Variants in PCDHGA2 observed in about 807,000 individuals in gnomAD.
PCDHGA2 encodes protocadherin gamma-A2.
A neutral mutation model predicts 59.2 loss-of-function variants in PCDHGA2; 40 were observed. That is an observed-to-expected ratio of 0.68 (90% CI 0.52 to 0.88). The LOEUF (loss-of-function observed/expected upper bound fraction) is 0.88. Ranked by LOEUF, PCDHGA2 falls within the 40% of genes least tolerant of loss-of-function variation. The pLI, the probability that PCDHGA2 is intolerant of heterozygous loss-of-function variation, is 0.00. For synonymous variants in PCDHGA2, 560 were observed against 526.0 expected, an observed-to-expected ratio of 1.06 and a Z score of -0.89; for missense variants, 1,226 against 1,204.0, an observed-to-expected ratio of 1.02 and a Z score of -0.27.
intron 1 of PCDHGA2, chr5:141,404,498 G>A (rs1237860716): frequency 6.2e-7 from 1 of 1,613,878 alleles, no homozygotes; most frequent in East Asian, 2.2e-5. Context: ...TGTGCTGTAT[G>A]CTCTGTGCTC....
At position 141,490,409 on chromosome 5, in the gene PCDHGA2, C is replaced by G; in HGVS notation, c.2425-4398C>G. On this transcript the variant is annotated intron_variant, in intron 1 of 3. Transcript: ENST00000394576. The surrounding 1 kb of genome is among the most constrained non-coding windows in gnomAD (Gnocchi z 5.4). ...AATGGTGAAGTGAGCCTTGATATCT[C>G]TCCGGACCTGCCATTTCAGATTAAG... 1 of 1,614,202 alleles carries G rather than the reference C, an allele frequency of 6.2e-7. No homozygotes were observed. Among genetic ancestry groups the G allele is most frequent in the Non-Finnish European group, 8.5e-7 (1 of 1,180,038 alleles).
At position 141,398,847 on chromosome 5, in the gene PCDHGA2, G is replaced by C. The variant is rs773663002; in HGVS notation, c.2424+57452G>C. ...TAACCGACGCCAATGATAATCCCCC[G>C]GTATTCAACCGAGACGTGTACAGAG... On this transcript the variant is annotated intron_variant, in intron 1 of 3. Coordinates refer to ENST00000394576, the MANE Select transcript of PCDHGA2 (RefSeq NM_018915.4). The C allele has an allele frequency of 3.8e-5, 62 of 1,613,758 alleles. 1 individual carries two copies. In the Admixed American group the frequency reaches 1.0e-3, roughly 27 times the overall value.
intron 1 of PCDHGA2, chr5:141,385,685 C>T (rs1022994434): frequency 3.0e-6 from 1 of 331,334 alleles, no homozygotes; most frequent in Non-Finnish European, 4.5e-6. Flanking sequence ...CAGCTGTCTT[C>T]TCAGGATTCT....
chr5:141,432,753 C>G lies in PCDHGA2; in HGVS notation c.2425-62054C>G. ...ACTGTCACGCTCACCGTGGCCGTGGCCGACAGCATCCCCCAAGTCCTGGCG... is the reference window on the plus strand; with the variant it reads ...ACTGTCACGCTCACCGTGGCCGTGGGCGACAGCATCCCCCAAGTCCTGGCG... On this transcript the variant is annotated intron_variant, in intron 1 of 3. Coordinates refer to ENST00000394576, the MANE Select transcript of PCDHGA2 (RefSeq NM_018915.4). The surrounding 1 kb of genome is among the most constrained non-coding windows in gnomAD (Gnocchi z 6.0). 1 of 1,614,138 alleles carries G rather than the reference C, an allele frequency of 6.2e-7. No individual in the cohort carries two copies. The highest frequency in any genetic ancestry group is 8.5e-7 in the Non-Finnish European group (1 of 1,179,996).
At position 141,431,421 on chromosome 5, in the gene PCDHGA2, T is replaced by A. The variant is rs2097372202; in HGVS notation, c.2425-63386T>A. On this transcript the variant is annotated intron_variant, in intron 1 of 3. Transcript: ENST00000394576. The surrounding 1 kb of genome is among the most constrained non-coding windows in gnomAD (Gnocchi z 4.8). The stretch of plus-strand genomic sequence containing the variant: ...ACGGCCTCCGACGGGGGCGACCCGG[T>A]GCGCACAGGCACCGCGCGCATCCGC... 1 of 1,613,580 alleles carries A rather than the reference T, an allele frequency of 6.2e-7. No individual in the cohort carries two copies. The highest frequency in any genetic ancestry group is 1.1e-5 in the South Asian group (1 of 91,082).
intron 1 of PCDHGA2, chr5:141,422,204 GAGGTCTCTTTACCA>G: frequency 6.4e-7 from 1 of 1,562,138 alleles, no homozygotes. Flanking sequence ...CAAGATGGTG[GAGGTCTCTTTACCA>G]CCACGACGAT....
intron 1 of PCDHGA2, chr5:141,398,838 T>C: frequency 6.2e-7 from 1 of 1,613,946 alleles, no homozygotes; most frequent in Non-Finnish European, 8.5e-7. Context: ...ACGCCAATGA[T>C]AATCCCCCGG....
At chr5:141,494,954 G>A in intron 2 of PCDHGA2, 89 bp downstream of exon 2, 2 of 1,601,116 alleles carry the variant, frequency 1.2e-6, no homozygotes. Context: ...CCCAGCATTT[G>A]CTACAGATGG....
At chr5:141,457,280 A>G (rs964027392) in intron 1 of PCDHGA2, among the ~76,000 whole-genome samples, 2 of 152,196 alleles carry the variant, frequency 1.3e-5, no homozygotes, top group Admixed American at 1.3e-4. Context: ...TGGGCCTACG[A>G]AGTTCCTTGG....
chr5:141,431,584 G>A lies in PCDHGA2; in HGVS notation c.2425-63223G>A, dbSNP rs201462681. 7 of 1,614,074 alleles carry A rather than the reference G, an allele frequency of 4.3e-6. No homozygotes were observed. The African/African-American group carries it at 9.3e-5, about 22-fold the overall frequency. On this transcript the variant is annotated intron_variant, in intron 1 of 3. Coordinates refer to ENST00000394576, the MANE Select transcript of PCDHGA2 (RefSeq NM_018915.4). The surrounding 1 kb of genome is among the most constrained non-coding windows in gnomAD (Gnocchi z 4.8). ...CCGACCCTGACGAAGGAGTCAATGC[G>A]GAAGTGAGGTATTCCTTCCGGTATG... is the stretch of plus-strand genomic sequence containing the variant.
intron 1 of PCDHGA2, among the ~76,000 whole-genome samples, chr5:141,482,857 A>T (rs2099573663): frequency 6.6e-6 from 1 of 152,140 alleles, no homozygotes; most frequent in Admixed American, 6.5e-5. Flanking sequence ...AGATCACTTG[A>T]GGTCAGGAGT....
intron 1 of PCDHGA2, chr5:141,364,242 G>C (rs192201180): frequency 2.1e-6 from 3 of 1,451,222 alleles, no homozygotes; most frequent in East Asian, 2.4e-5. Context: ...GCCCATTTTC[G>C]TCAGGGAATA....
chr5:141,436,089 T>C (rs1001252646), intron 1 of PCDHGA2, among the ~76,000 whole-genome samples: 1 of 152,204 alleles, frequency 6.6e-6, no homozygotes, highest in Non-Finnish European at 1.5e-5. Context: ...ATAGGTAATA[T>C]TGAGAGAAAT....
At chr5:141,394,416 A>G (rs1220964310) in intron 1 of PCDHGA2, 1 of 1,614,202 alleles carries the variant, frequency 6.2e-7, no homozygotes. Context: ...GGTAACAGCC[A>G]GCGACAGCGG....
At position 141,390,084 on chromosome 5, in the gene PCDHGA2, G is replaced by A. The variant is rs755692863; in HGVS notation, c.2424+48689G>A. Reference sequence around the variant, plus strand: ...CCAGCCTGGTCTCTGTGTTAAATCCGAATCCGTGGTTCCCCCCAACTACAG... The same window carrying A: ...CCAGCCTGGTCTCTGTGTTAAATCCAAATCCGTGGTTCCCCCCAACTACAG... On this transcript the variant is annotated intron_variant, in intron 1 of 3. Transcript: ENST00000394576. 8 of 1,613,954 alleles carry A rather than the reference G, an allele frequency of 5.0e-6. No homozygotes were observed. In the African/African-American group the frequency reaches 9.3e-5, roughly 19 times the overall value.
intron 1 of PCDHGA2, chr5:141,475,986 G>T: frequency 2.8e-6 from 3 of 1,089,866 alleles, no homozygotes; most frequent in Non-Finnish European, 3.9e-6. Context: ...CAGCCGGCGA[G>T]CAAATCAACG....
intron 1 of PCDHGA2, among the ~76,000 whole-genome samples, chr5:141,463,224 G>C (rs1039535501): frequency 6.6e-6 from 1 of 151,958 alleles, no homozygotes; most frequent in Non-Finnish European, 1.5e-5. Context: ...AATATTCCTG[G>C]AGTTCTTTGT....
At chr5:141,408,677 G>A (rs2095149334) in intron 1 of PCDHGA2, 1 of 1,613,898 alleles carries the variant, frequency 6.2e-7, no homozygotes. Flanking sequence ...CCCTGCCACG[G>A]ATCCTGATAT....
chr5:141,414,415 C>A (rs769791452), intron 1 of PCDHGA2: 1 of 1,613,876 alleles, frequency 6.2e-7, no homozygotes, highest in Admixed American at 1.7e-5. Context: ...ACACAGAGCC[C>A]TTGACAGGGA....
Sources: allele counts gnomAD v4.1 joint callset (sites outside exome capture counted in the v4.1 genomes callset), GRCh38; gene constraint gnomAD v4.1.1; non-coding constraint Gnocchi (gnomAD v3.1); transcripts MANE v1.5; gene names NCBI Gene and HGNC (gene_info 2026-07-23, HGNC 2026-07-21).